Variants in TOM1L1 observed in about 807,000 individuals in gnomAD.
The protein encoded by TOM1L1 is target of myb1 like 1 membrane trafficking protein, also known as TOM1-like protein 1.
In TOM1L1, 64 loss-of-function variants were observed where a neutral mutation model predicts 63.4. The ratio of observed to expected loss-of-function variants is 1.01; its 90% CI spans 0.83 to 1.24. TOM1L1 has a LOEUF of 1.24. TOM1L1 is among the 50% of genes most tolerant of loss of function. The probability of loss-of-function intolerance (pLI) is 0.00; values close to 1 mark genes in which losing one functional copy is unlikely to be tolerated. For missense variants in TOM1L1, 536 were observed against 567.0 expected, an observed-to-expected ratio of 0.95 and a Z score of 0.55; for synonymous variants, 166 against 194.4, an observed-to-expected ratio of 0.85 and a Z score of 1.22.
At chr17:54,943,441 G>GGTGTGTGTGTGTGTGTGTGTGT (rs10694555) in intron 11 of TOM1L1, among the ~76,000 whole-genome samples, 1 of 134,354 alleles carries the variant, frequency 7.4e-6, no homozygotes, top group African/African-American at 2.8e-5. Context: ...TTTGTATAAT[G>GGTGTGTGTGTGTGTGTGTGTGT]GTGTGTGTGT....
chr17:54,940,137 C>A (rs907241017), intron 11 of TOM1L1, among the ~76,000 whole-genome samples: 1 of 152,162 alleles, frequency 6.6e-6, no homozygotes, highest in Non-Finnish European at 1.5e-5. Flanking sequence ...CTCAAGCGAT[C>A]CATGTGCCTC....
intron 8 of TOM1L1, among the ~76,000 whole-genome samples, chr17:54,935,951 C>T (rs373895740): frequency 3.6e-4 from 54 of 152,106 alleles, no homozygotes; most frequent in African/African-American, 1.1e-3. Flanking sequence ...GGAGAAACCC[C>T]GTCTCTACTA....
At chr17:54,910,778 C>T (rs1041587772) in intron 3 of TOM1L1, among the ~76,000 whole-genome samples, 1 of 152,170 alleles carries the variant, frequency 6.6e-6, no homozygotes, top group East Asian at 1.9e-4. Flanking sequence ...GTGTTTCACA[C>T]AGCTGCATGT....
rs1171815476 is a variant in TOM1L1 at position 54,938,881 on chromosome 17, G to C, written c.1034-43G>C. ...TGTAGAAAATCCAGCATAACTGACT[G>C]ACAAAATGTTTTAAAGCCAAACAAG... On this transcript the variant is annotated intron_variant, in intron 10 of 15. Coordinates refer to ENST00000575882, the MANE Select transcript of TOM1L1 (RefSeq NM_005486.3). 12 of 1,212,938 alleles carry C rather than the reference G, an allele frequency of 9.9e-6. No individual in the cohort carries two copies. In the South Asian group the frequency reaches 1.5e-4, roughly 15 times the overall value. The allele number at this position is 1,212,938 out of a possible 1,614,324, so 75.1% of individuals were successfully genotyped here. A position where few individuals can be genotyped will look rare whatever the true frequency, so the allele number is the denominator to read the frequency against.
At chr17:54,953,532 C>T (rs761357292) in intron 14 of TOM1L1, 4 of 152,436 alleles carry the variant, frequency 2.6e-5, no homozygotes, top group Middle Eastern at 3.4e-3. Context: ...GCTTGTCCTC[C>T]TCCTTCCCTC....
intron 14 of TOM1L1, among the ~76,000 whole-genome samples, chr17:54,951,413 C>T (rs1359814421): frequency 4.6e-5 from 7 of 152,150 alleles, no homozygotes; most frequent in African/African-American, 1.7e-4. Flanking sequence ...GCATTCCTTC[C>T]CCCAGGGTAT....
At chr17:54,953,162 T>C (rs1419722224) in intron 14 of TOM1L1, 1 of 152,328 alleles carries the variant, frequency 6.6e-6, no homozygotes, top group Admixed American at 6.5e-5. Flanking sequence ...GAGGATCACT[T>C]GAGCCCAGGA....
chr17:54,914,803 A>G (rs2048560333), intron 6 of TOM1L1, 60 bp downstream of exon 6: 2 of 1,345,588 alleles, frequency 1.5e-6, no homozygotes, highest in South Asian at 1.2e-5. Flanking sequence ...AGCACCTTAT[A>G]TACAGTTTGT....
intron 15 of TOM1L1, 73 bp downstream of exon 15, chr17:54,960,700 TAGTA>T: frequency 8.2e-7 from 1 of 1,220,088 alleles, no homozygotes. Flanking sequence ...TTTACATATT[TAGTA>T]TTTAAATTTT....
chr17:54,945,549 TTTG>T (rs1209081394), intron 11 of TOM1L1, among the ~76,000 whole-genome samples: 1 of 152,188 alleles, frequency 6.6e-6, no homozygotes, highest in Non-Finnish European at 1.5e-5. Context: ...GTCCTGTTTG[TTTG>T]TTTCTTTGTT....
intron 3 of TOM1L1, among the ~76,000 whole-genome samples, chr17:54,908,560 T>C (rs546926491): frequency 5.3e-5 from 8 of 152,362 alleles, no homozygotes; most frequent in South Asian, 2.1e-4. Context: ...CAAATTCGAT[T>C]ATAAATATTC....
chr17:54,938,860 G>A, intron 10 of TOM1L1, 64 bp from the exon 11 acceptor site: 1 of 804,600 alleles, frequency 1.2e-6, no homozygotes, highest in South Asian at 2.4e-5. Context: ...TTTTACTGTA[G>A]AAAATCCAGC....
intron 11 of TOM1L1, among the ~76,000 whole-genome samples, chr17:54,940,424 A>G (rs1031582005): frequency 5.3e-5 from 8 of 152,332 alleles, no homozygotes; most frequent in Non-Finnish European, 1.0e-4. Flanking sequence ...GCAGGTGGCA[A>G]TATCTATTAA....
In TOM1L1 at chr17:54,937,224, T is replaced by C; in HGVS notation, c.1031T>C (p.Leu344Ser). ...LNTMNNQLSGLNFSLPSSDVT... is the reference protein window; with the variant it reads ...LNTMNNQLSGSNFSLPSSDVT... The stretch of plus-strand genomic sequence containing the variant: ...ACCATGAATAATCAACTTTCAGGCT[T>C]AAGTAAATAAACACTCAGGTCTTTT... The change falls in exon 10 of 16, where the codon TTA (leucine) becomes TCA (serine). Residue 344 changes from leucine to serine, a missense_variant and splice_region_variant. Transcript: ENST00000575882. 6.2e-7 allele frequency: 1 copy of C among 1,605,568 alleles called. No individual in the cohort carries two copies. Among genetic ancestry groups the C allele is most frequent in the Non-Finnish European group, 8.5e-7 (1 of 1,172,316 alleles).
intron 11 of TOM1L1, among the ~76,000 whole-genome samples, chr17:54,943,031 G>A (rs1002878023): frequency 6.6e-6 from 1 of 152,142 alleles, no homozygotes. Context: ...GGTTGATTGA[G>A]TCTTTTATCA....
rs1203887899 is a variant in TOM1L1 at position 54,913,891 on chromosome 17, G to A, written c.498+18G>A. The A allele has an allele frequency of 6.3e-7, 1 of 1,597,954 alleles. No individual in the cohort carries two copies. Among genetic ancestry groups the A allele is most frequent in the Non-Finnish European group, 8.5e-7 (1 of 1,170,260 alleles). ...GACAAGAGGTAGGAGGCCTTTCTTT[G>A]ACCCATGGAGACTATAGTAGTGTAT... On this transcript the variant is annotated intron_variant, in intron 5 of 15. Coordinates refer to ENST00000575882, the MANE Select transcript of TOM1L1 (RefSeq NM_005486.3).
At chr17:54,947,349 T>C in intron 12 of TOM1L1, 37 bp downstream of exon 12, 1 of 1,599,582 alleles carries the variant, frequency 6.3e-7, no homozygotes, top group Non-Finnish European at 8.6e-7. Context: ...GTGCATCTAG[T>C]CAGCAGATTA....
chr17:54,960,670 A>G (rs764948593), intron 15 of TOM1L1, 43 bp downstream of exon 15: 2 of 1,408,142 alleles, frequency 1.4e-6, no homozygotes, highest in Non-Finnish European at 2.0e-6. Flanking sequence ...TATTCCATAT[A>G]ATTTCAGTAT....
At position 54,961,624 on chromosome 17, in the gene TOM1L1, G is replaced by A. The variant is rs1253743862; in HGVS notation, c.*391G>A. The A allele has an allele frequency of 1.2e-5, 13 of 1,111,298 alleles. No individual in the cohort carries two copies. The highest frequency in any genetic ancestry group is 3.3e-5 in the African/African-American group (2 of 60,922). 68.8% of individuals were successfully genotyped at this position (1,111,298 alleles called of 1,614,324 possible). A position where few individuals can be genotyped will look rare whatever the true frequency, so the allele number is the denominator to read the frequency against. ...TTCTGAATAGATGAAAGCATAAAAT[G>A]TGAGAAACTGAATGTATTATTCAGG... On this transcript the variant is annotated 3_prime_UTR_variant, in exon 16 of 16. Coordinates refer to ENST00000575882, the MANE Select transcript of TOM1L1 (RefSeq NM_005486.3).
Sources: gnomAD v4.1 joint callset for allele counts (sites outside exome capture counted in the v4.1 genomes callset) on GRCh38, gnomAD v4.1.1 for gene constraint, MANE v1.5 for transcripts, NCBI Gene and HGNC (gene_info 2026-07-23, HGNC 2026-07-21) for gene names.